Variants in CRISPLD2 observed in about 807,000 individuals in gnomAD.
CRISPLD2 encodes cysteine-rich secretory protein LCCL domain-containing 2.
A neutral mutation model predicts 71.1 loss-of-function variants in CRISPLD2; 47 were observed. The observed-to-expected ratio is 0.66, with a 90% CI of 0.52 to 0.84. The LOEUF (loss-of-function observed/expected upper bound fraction) is 0.84. Ranked by LOEUF, CRISPLD2 falls within the 40% of genes least tolerant of loss-of-function variation. The pLI is 0.00. For missense variants in CRISPLD2, 830 were observed against 651.1 expected (o/e 1.27, Z -2.99); for synonymous variants, 317 against 250.1 (o/e 1.27, Z -2.52).
At position 84,889,353 on chromosome 16, in the gene CRISPLD2, C is replaced by T. The variant is rs372721879; in HGVS notation, c.1429C>T (p.Gln477Ter). Residue 477 changes from glutamine (Q) to a stop codon, truncating the protein, a stop_gained, in exon 14 of 15, where the codon CAG becomes TAG. Transcript: ENST00000262424. LOFTEE classifies it high-confidence loss of function. ...CGTGGGCTCGCTCAGGAATGGAGTT[C>T]AGTCTGAAAGGTAGGGTGGTGTTCT... ...TYVGSLRNGV[Q>*]SESLGTPRDG... 6.2e-7 allele frequency: 1 copy of T among 1,612,434 alleles called. No homozygotes were observed. Among genetic ancestry groups the T allele is most frequent in the Non-Finnish European group, 8.5e-7 (1 of 1,178,998 alleles).
intron 6 of CRISPLD2, 25 bp from the exon 7 acceptor site, chr16:84,866,872 T>C (rs1917552033): frequency 6.2e-7 from 1 of 1,602,360 alleles, no homozygotes; most frequent in African/African-American, 1.3e-5. Flanking sequence ...TGTGTTATTT[T>C]TTTTCCTCCC....
At chr16:84,904,053 G>T (rs556476957) in intron 14 of CRISPLD2, among the ~76,000 whole-genome samples, 3 of 152,214 alleles carry the variant, frequency 2.0e-5, no homozygotes, top group Non-Finnish European at 4.4e-5. Flanking sequence ...AGGAAGGCCA[G>T]TTGGTCCAAA....
chr16:84,901,913 C>T (rs2071758175), intron 14 of CRISPLD2, among the ~76,000 whole-genome samples: 1 of 150,920 alleles, frequency 6.6e-6, no homozygotes, highest in Non-Finnish European at 1.5e-5. Context: ...CCTGCCTCAG[C>T]CTCCCAAGTA....
At chr16:84,881,521 G>T (rs1326451725) in intron 13 of CRISPLD2, among the ~76,000 whole-genome samples, 2 of 152,210 alleles carry the variant, frequency 1.3e-5, no homozygotes. Context: ...GTGTGATCTT[G>T]TCAAGCTGTT....
At chr16:84,873,836 G>A (rs556755027) in intron 10 of CRISPLD2, 84 bp from the exon 11 acceptor site, 1 of 1,259,768 alleles carries the variant, frequency 7.9e-7, no homozygotes, top group South Asian at 1.3e-5. Flanking sequence ...AATAAGATAA[G>A]TATAGGAGCA....
At chr16:84,869,091 C>T (rs2071442609) in intron 8 of CRISPLD2, among the ~76,000 whole-genome samples, 180 bp downstream of exon 8, 1 of 152,218 alleles carries the variant, frequency 6.6e-6, no homozygotes, top group Non-Finnish European at 1.5e-5. Context: ...TCGCCTCGGC[C>T]GTTGGCAGAT....
At chr16:84,842,026 AAG>A (rs1028287122) in intron 2 of CRISPLD2, 7 of 152,712 alleles carry the variant, frequency 4.6e-5, no homozygotes, top group African/African-American at 1.7e-4. Flanking sequence ...GTGAAGAACA[AAG>A]AGCCGTTCCG....
intron 4 of CRISPLD2, among the ~76,000 whole-genome samples, 199 bp downstream of exon 4, chr16:84,849,716 A>G (rs1015112493): frequency 8.3e-5 from 7 of 83,862 alleles, no homozygotes; most frequent in Non-Finnish European, 1.4e-4. Context: ...TGAGCACTAC[A>G]AACTCTTTTT....
intron 11 of CRISPLD2, 133 bp downstream of exon 11, chr16:84,874,096 C>G: frequency 2.4e-6 from 2 of 838,488 alleles, no homozygotes; most frequent in Non-Finnish European, 3.8e-6. Context: ...CATTGTCAAG[C>G]CTTTTTCAAG....
intron 13 of CRISPLD2, among the ~76,000 whole-genome samples, chr16:84,887,329 C>T (rs1192522195): frequency 1.3e-5 from 2 of 152,190 alleles, no homozygotes; most frequent in East Asian, 3.8e-4. Flanking sequence ...GCCCCGTTCA[C>T]CCTCCCCACC....
At position 84,889,333 on chromosome 16, in the gene CRISPLD2, G is replaced by C; in HGVS notation, c.1409G>C (p.Gly470Ala). Reference sequence around the variant, plus strand: ...GTGGATAAAAAGAAGACCTACGTGGGCTCGCTCAGGAATGGAGTTCAGTCT... The same window carrying C: ...GTGGATAAAAAGAAGACCTACGTGGCCTCGCTCAGGAATGGAGTTCAGTCT... ...MPVDKKKTYV[G>A]SLRNGVQSES... Residue 470 changes from glycine to alanine, a missense_variant, in exon 14 of 15, where the codon GGC (glycine) becomes GCC (alanine). Physicochemically the swap from Gly to Ala is moderately conservative, Grantham distance 60. Coordinates refer to ENST00000262424, the MANE Select transcript of CRISPLD2 (RefSeq NM_031476.4). 6.2e-7 allele frequency: 1 copy of C among 1,613,840 alleles called. No homozygotes were observed. Among genetic ancestry groups the C allele is most frequent in the Non-Finnish European group, 8.5e-7 (1 of 1,179,820 alleles).
intron 1 of CRISPLD2, among the ~76,000 whole-genome samples, chr16:84,833,632 C>T (rs1310445138): frequency 6.6e-6 from 1 of 152,184 alleles, no homozygotes; most frequent in African/African-American, 2.4e-5. Context: ...TAGGAGGGCA[C>T]TCTGCAGGGG....
At position 84,849,488 on chromosome 16, in the gene CRISPLD2, T is replaced by TC; in HGVS notation, c.464dup (p.Pro157AlafsTer64). The TC allele has an allele frequency of 6.2e-7, 1 of 1,614,074 alleles. No homozygotes were observed. The highest frequency in any genetic ancestry group is 8.5e-7 in the Non-Finnish European group (1 of 1,179,970). On this transcript the variant is annotated frameshift_variant, in exon 4 of 15. Transcript: ENST00000262424. LOFTEE classifies it high-confidence loss of function. ...CAACCCCTGGTGTCCAGAGAGGTGCTCGGGGCCCATGTGCACGCACTACAC... is the reference window on the plus strand; with the variant it reads ...CAACCCCTGGTGTCCAGAGAGGTGCTCCGGGGCCCATGTGCACGCACTACAC...
chr16:84,844,831 C>T (rs1029912366), intron 2 of CRISPLD2, among the ~76,000 whole-genome samples: 7 of 152,152 alleles, frequency 4.6e-5, no homozygotes, highest in African/African-American at 1.7e-4. Context: ...ATAAAGCCTC[C>T]CTGACTGCAG....
intron 14 of CRISPLD2, among the ~76,000 whole-genome samples, chr16:84,898,745 A>G (rs1024088681): frequency 6.6e-6 from 1 of 152,260 alleles, no homozygotes; most frequent in Admixed American, 6.5e-5. Flanking sequence ...CACTTGGCAC[A>G]TAGCAGGTGC....
At chr16:84,877,371 A>G in intron 11 of CRISPLD2, 67 bp from the exon 12 acceptor site, 1 of 1,467,320 alleles carries the variant, frequency 6.8e-7, no homozygotes, top group Non-Finnish European at 9.5e-7. Flanking sequence ...GGCCCATTGC[A>G]CAGCCTGGTA....
chr16:84,833,702 G>A (rs1468432848), intron 1 of CRISPLD2, among the ~76,000 whole-genome samples: 1 of 152,204 alleles, frequency 6.6e-6, no homozygotes, highest in Non-Finnish European at 1.5e-5. Flanking sequence ...GGTCAAAGGC[G>A]AGTGGGCAGC....
chr16:84,888,898 C>A (rs770326477), intron 13 of CRISPLD2, among the ~76,000 whole-genome samples: 3 of 152,198 alleles, frequency 2.0e-5, no homozygotes, highest in Non-Finnish European at 4.4e-5. Flanking sequence ...GCCGATGCTA[C>A]CTCATTTGTG....
At chr16:84,890,664 A>G (rs1473054461) in intron 14 of CRISPLD2, among the ~76,000 whole-genome samples, 1 of 151,958 alleles carries the variant, frequency 6.6e-6, no homozygotes, top group Non-Finnish European at 1.5e-5. Flanking sequence ...CACTGTGGGA[A>G]GCAGTGGTGG....
Sources: gnomAD v4.1 joint callset for allele counts (sites outside exome capture counted in the v4.1 genomes callset) on GRCh38, gnomAD v4.1.1 for gene constraint, MANE v1.5 for transcripts, NCBI Gene and HGNC (gene_info 2026-07-23, HGNC 2026-07-21) for gene names.